Variants in JAK1 observed in about 807,000 individuals in gnomAD.
JAK1 encodes Janus kinase 1, also known as tyrosine-protein kinase JAK1.
Under a neutral mutation model 136.6 loss-of-function variants are expected in JAK1, and 16 were observed. The ratio of observed to expected loss-of-function variants is 0.12; its 90% confidence interval spans 0.08 to 0.18. The LOEUF is 0.18. JAK1 is among the 10% of genes least tolerant of loss of function. The pLI is 1.00. For synonymous variants in JAK1, 492 were observed against 519.5 expected, an observed-to-expected ratio of 0.95 and a Z score of 0.72; for missense variants, 859 against 1,450.1, an observed-to-expected ratio of 0.59 and a Z score of 6.62.
intron 1 of JAK1, among the ~76,000 whole-genome samples, chr1:64,943,911 G>T (rs1347907810): frequency 1.3e-5 from 2 of 151,370 alleles, no homozygotes; most frequent in African/African-American, 4.8e-5. Flanking sequence ...TCAAAAAAAT[G>T]AGTTCTCAAA....
upstream of JAK1, among the ~76,000 whole-genome samples, chr1:64,967,988 G>GT (rs1646412369): frequency 6.6e-6 from 1 of 152,186 alleles, no homozygotes; most frequent in Non-Finnish European, 1.5e-5. Flanking sequence ...CCTTAAAGGG[G>GT]TTTTGCTGAA....
intron 1 of JAK1, among the ~76,000 whole-genome samples, chr1:64,954,922 A>G (rs1261256810): frequency 6.6e-6 from 1 of 152,068 alleles, no homozygotes; most frequent in African/African-American, 2.4e-5. Context: ...AAACACATCA[A>G]TTTTTTTCTC....
intron 8 of JAK1, among the ~76,000 whole-genome samples, chr1:64,864,299 G>C (rs973971063): frequency 6.6e-6 from 1 of 152,214 alleles, no homozygotes; most frequent in Non-Finnish European, 1.5e-5. Context: ...TACCAAAAAA[G>C]AGGAAGTGAG....
intron 11 of JAK1, among the ~76,000 whole-genome samples, chr1:64,853,189 T>C (rs1655708896): frequency 6.6e-6 from 1 of 152,214 alleles, no homozygotes; most frequent in South Asian, 2.1e-4. Flanking sequence ...CCCACTTCTC[T>C]AATTTGCACA....
chr1:64,970,067 C>T (rs186380155), upstream of JAK1, among the ~76,000 whole-genome samples: 8 of 132,832 alleles, frequency 6.0e-5, no homozygotes, highest in East Asian at 1.6e-3. Flanking sequence ...CCCAGGAGAT[C>T]AAGGCTGCAG....
intron 1 of JAK1, among the ~76,000 whole-genome samples, chr1:64,908,113 A>G (rs551161898): frequency 2.0e-5 from 3 of 152,220 alleles, no homozygotes; most frequent in Non-Finnish European, 2.9e-5. Context: ...CACTTTAGGA[A>G]TACCCATTTA....
intron 1 of JAK1, among the ~76,000 whole-genome samples, chr1:64,949,363 T>A (rs937819701): frequency 6.6e-6 from 1 of 152,176 alleles, no homozygotes; most frequent in Non-Finnish European, 1.5e-5. Context: ...CCGCCCCTAC[T>A]CCTATTAGTC....
rs368205816 is a variant in JAK1, at chr1:64,997,897, G to A, written c.-78+46583C>T. ...TGATGGAAGCCCAGAGCCACAAGAC[G>A]AGACAGCCTCTCATCTTATCTTTAA... is the stretch of plus-strand genomic sequence containing the variant. On this transcript the variant is annotated intron_variant, in intron 2 of 25. Coordinates refer to the JAK1 transcript ENST00000671954. Among the ~76,000 whole-genome samples the A allele has an allele frequency of 2.3e-4, 35 of 152,320 alleles. 5 individuals carry two copies. The highest frequency in any genetic ancestry group is 4.6e-4 in the Admixed American group (7 of 15,286).
rs1183218798 is a variant in JAK1, at chr1:64,928,778, C to CAAAAAAAAAAAAAAAAAAAAA, written c.-78+37554_-78+37555insTTTTTTTTTTTTTTTTTTTTT. ...AGGTTCTGAGTGCTATAAAACTCTG[C>CAAAAAAAAAAAAAAAAAAAAA]AAAAAAAAAAAAAAAAAACAAAAAA... On this transcript the variant is annotated intron_variant, in intron 1 of 24. Coordinates refer to ENST00000342505, the MANE Select transcript of JAK1 (RefSeq NM_002227.4). Among the ~76,000 whole-genome samples, 388 of 61,026 alleles carry CAAAAAAAAAAAAAAAAAAAAA rather than the reference C, an allele frequency of 6.4e-3. 3 individuals are homozygous for CAAAAAAAAAAAAAAAAAAAAA. The highest frequency in any genetic ancestry group is 0.025 in the Middle Eastern group (1 of 40). The allele number at this position is 61,026 out of a possible 152,430, so 40.0% of individuals were successfully genotyped here.
chr1:64,947,019 G>A (rs1348623933), intron 1 of JAK1, among the ~76,000 whole-genome samples: 1 of 152,174 alleles, frequency 6.6e-6, no homozygotes, highest in Non-Finnish European at 1.5e-5. Context: ...CAAATCCATA[G>A]ATAGAAAAAG....
chr1:65,004,698 G>A lies in JAK1; in HGVS notation c.-78+39782C>T, dbSNP rs552325805. ...GGATTATGACTAAAAATTCTTTTACGTGTTGTCTGTGGTGTTTCCACAATA... is the reference window on the plus strand; with the variant it reads ...GGATTATGACTAAAAATTCTTTTACATGTTGTCTGTGGTGTTTCCACAATA... On this transcript the variant is annotated intron_variant, in intron 2 of 25. Transcript: ENST00000671954. Among the ~76,000 whole-genome samples, 6 of 152,278 alleles carry A rather than the reference G, an allele frequency of 3.9e-5. No homozygotes were observed. In the South Asian group the frequency reaches 6.2e-4, roughly 16 times the overall value.
At chr1:64,899,280 G>A (rs1216205441) in intron 1 of JAK1, among the ~76,000 whole-genome samples, 3 of 152,180 alleles carry the variant, frequency 2.0e-5, no homozygotes, top group Non-Finnish European at 2.9e-5. Flanking sequence ...TGGTGAAAAG[G>A]TGAAATTTCA....
chr1:65,053,261 C>T (rs907227338), intron 1 of JAK1, among the ~76,000 whole-genome samples: 14 of 150,944 alleles, frequency 9.3e-5, no homozygotes, highest in Non-Finnish European at 1.5e-5. Context: ...GCAGGAAAAT[C>T]GCTTGACCCG....
At chr1:64,959,518 G>GTA (rs34832687) in intron 1 of JAK1, among the ~76,000 whole-genome samples, 80,480 of 151,954 alleles carry the variant, frequency 0.53, 25,419 homozygotes, top group Non-Finnish European at 0.72. Context: ...TTACAAACAG[G>GTA]TATACATGGT....
intron 1 of JAK1, among the ~76,000 whole-genome samples, chr1:65,052,606 G>T (rs1647329709): frequency 6.6e-6 from 1 of 152,080 alleles, no homozygotes; most frequent in Admixed American, 6.5e-5. Flanking sequence ...GAGGTCAGGA[G>T]ATCGAGACCA....
intron 2 of JAK1, among the ~76,000 whole-genome samples, chr1:65,011,003 A>G (rs1354193582): frequency 1.3e-5 from 2 of 152,194 alleles, no homozygotes; most frequent in Non-Finnish European, 2.9e-5. Flanking sequence ...TAATAATAAT[A>G]GATATGTTTA....
At chr1:64,878,561 G>GTGTGTATATATA (rs1298801037) in intron 4 of JAK1, among the ~76,000 whole-genome samples, 1 of 119,932 alleles carries the variant, frequency 8.3e-6, no homozygotes, top group Admixed American at 9.1e-5. Flanking sequence ...TATATAGTGT[G>GTGTGTATATATA]TATATATATA....
intron 2 of JAK1, among the ~76,000 whole-genome samples, chr1:65,008,584 A>G (rs1029405387): frequency 6.6e-6 from 1 of 151,956 alleles, no homozygotes; most frequent in Non-Finnish European, 1.5e-5. Flanking sequence ...TTTTCCTTAC[A>G]GCTGTACAGG....
chr1:65,013,441 A>G (rs568637753), intron 2 of JAK1, among the ~76,000 whole-genome samples: 1 of 151,988 alleles, frequency 6.6e-6, no homozygotes, highest in Non-Finnish European at 1.5e-5. Flanking sequence ...AAAAAAGAAA[A>G]TCCATCAATG....
Sources: allele counts gnomAD v4.1 joint callset (sites outside exome capture counted in the v4.1 genomes callset), GRCh38; gene constraint gnomAD v4.1.1; transcripts MANE v1.5; gene names NCBI Gene and HGNC (gene_info 2026-07-23, HGNC 2026-07-21).